The following SUGCT variants were observed in gnomAD, a reference collection of about 807,000 sequenced individuals.
SUGCT encodes the protein succinyl-CoA:glutarate-CoA transferase, also known as succinyl-CoA:glutarate CoA-transferase.
Under a neutral mutation model 55.0 loss-of-function variants are expected in SUGCT, and 41 were observed. The ratio of observed to expected loss-of-function variants is 0.74; its 90% CI spans 0.58 to 0.97. The LOEUF (loss-of-function observed/expected upper bound fraction) is 0.97, where lower values mean the gene tolerates loss of function less well. SUGCT is among the 50% of genes least tolerant of loss of function. SUGCT has a pLI of 0.00. For missense variants in SUGCT, 568 were observed against 547.8 expected (o/e 1.04, Z -0.37); for synonymous variants, 187 against 200.4 (o/e 0.93, Z 0.56).
intron 6 of SUGCT, among the ~76,000 whole-genome samples, chr7:40,212,259 T>TAA (rs533514969): frequency 6.4e-5 from 9 of 140,280 alleles, no homozygotes; most frequent in Non-Finnish European, 1.2e-4. Context: ...ACCCCATATC[T>TAA]AAAAAAAAAA....
rs151261363 is a variant in SUGCT at position 40,708,660 on chromosome 7, C to T, written c.1090-40774C>T. Among the ~76,000 whole-genome samples the T allele has an allele frequency of 5.4e-3, 824 of 152,278 alleles. 2 individuals carry two copies. Among genetic ancestry groups the T allele is most frequent in the Middle Eastern group, 0.017 (5 of 294 alleles). ...TCCTGCCACTGACTCCCTTGCTGAG[C>T]AAACCCCTGCCTCAGGTCTTTATAC... On this transcript the variant is annotated intron_variant, in intron 12 of 13. Transcript: ENST00000335693.
At chr7:40,392,490 G>T (rs962889437) in intron 9 of SUGCT, among the ~76,000 whole-genome samples, 4 of 152,020 alleles carry the variant, frequency 2.6e-5, no homozygotes, top group Non-Finnish European at 4.4e-5. Context: ...CAGGTAGAGG[G>T]TTCGGAAAGC....
the SUGCT span, among the ~76,000 whole-genome samples, chr7:40,904,077 T>G: frequency 6.6e-6 from 1 of 152,228 alleles, no homozygotes; most frequent in African/African-American, 2.4e-5. Flanking sequence ...TCGCCAGCAA[T>G]CATTACGACT....
At chr7:40,563,065 T>C (rs1254861204) in intron 12 of SUGCT, among the ~76,000 whole-genome samples, 1 of 152,106 alleles carries the variant, frequency 6.6e-6, no homozygotes, top group Non-Finnish European at 1.5e-5. Context: ...TCCGCCCAAG[T>C]AACGGTGGAT....
chr7:40,772,553 T>TCTG (rs1789199241), intron 13 of SUGCT, among the ~76,000 whole-genome samples: 2 of 143,544 alleles, frequency 1.4e-5, no homozygotes, highest in Non-Finnish European at 3.1e-5. Context: ...TATCTATCTA[T>TCTG]CTATCTATCT....
At chr7:40,796,512 G>C (rs762933293) in intron 13 of SUGCT, among the ~76,000 whole-genome samples, 1 of 152,140 alleles carries the variant, frequency 6.6e-6, no homozygotes, top group Non-Finnish European at 1.5e-5. Flanking sequence ...TCTCTGTTAG[G>C]TACCAGGTTA....
the SUGCT span, among the ~76,000 whole-genome samples, chr7:40,907,474 C>T: frequency 3.6e-4 from 55 of 152,280 alleles, 1 homozygote; most frequent in East Asian, 2.7e-3. Context: ...TTCTGTCAGG[C>T]GCTAGCCTTG....
intron 13 of SUGCT, among the ~76,000 whole-genome samples, chr7:40,847,753 T>C (rs1299877214): frequency 6.6e-6 from 1 of 152,050 alleles, no homozygotes; most frequent in African/African-American, 2.4e-5. Flanking sequence ...GCTCACACAG[T>C]TTTACCCAAC....
intron 13 of SUGCT, among the ~76,000 whole-genome samples, chr7:40,775,044 A>G (rs1789383593): frequency 6.6e-6 from 1 of 152,216 alleles, no homozygotes. Context: ...TTACCATGCT[A>G]TGGAATTTCA....
chr7:40,194,346 C>T (rs917572131), intron 5 of SUGCT, among the ~76,000 whole-genome samples: 1 of 152,136 alleles, frequency 6.6e-6, no homozygotes, highest in Non-Finnish European at 1.5e-5. Context: ...ATTGCAGCCT[C>T]AATTTACCGG....
intron 13 of SUGCT, among the ~76,000 whole-genome samples, chr7:40,847,407 C>CTTTTTTTTTTTTTTTTTTTTTTT (rs1338885686): frequency 4.2e-5 from 5 of 117,884 alleles, no homozygotes; most frequent in African/African-American, 1.2e-4. Context: ...TCTTTTCTTT[C>CTTTTTTTTTTTTTTTTTTTTTTT]TTTCTTTTTT....
chr7:40,244,772 AT>A, intron 7 of SUGCT, among the ~76,000 whole-genome samples: 1 of 152,278 alleles, frequency 6.6e-6, no homozygotes, highest in Admixed American at 6.5e-5. Context: ...ATAATACTAA[AT>A]CCATAAGATA....
At chr7:40,734,319 C>T (rs534193540) in intron 12 of SUGCT, among the ~76,000 whole-genome samples, 6 of 152,280 alleles carry the variant, frequency 3.9e-5, no homozygotes, top group African/African-American at 1.4e-4. Flanking sequence ...AGTGGAAAGT[C>T]GTACTGAACA....
the SUGCT span, among the ~76,000 whole-genome samples, chr7:40,866,579 C>T: frequency 6.6e-6 from 1 of 151,464 alleles, no homozygotes; most frequent in African/African-American, 2.4e-5. Context: ...AGCAACTCCA[C>T]AAGTGCAGTG....
chr7:40,758,052 A>T (rs1389629172), intron 13 of SUGCT, among the ~76,000 whole-genome samples: 1 of 152,202 alleles, frequency 6.6e-6, no homozygotes, highest in Non-Finnish European at 1.5e-5. Context: ...ACCAGTTTGG[A>T]CTTCAGTATC....
At chr7:40,273,433 T>A (rs1792244165) in intron 7 of SUGCT, among the ~76,000 whole-genome samples, 1 of 152,152 alleles carries the variant, frequency 6.6e-6, no homozygotes, top group African/African-American at 2.4e-5. Context: ...AAATGTGAGT[T>A]TTTTTAGGTA....
intron 12 of SUGCT, among the ~76,000 whole-genome samples, chr7:40,543,056 A>G (rs1316236743): frequency 6.6e-6 from 1 of 152,344 alleles, no homozygotes; most frequent in South Asian, 2.1e-4. Context: ...ATAGAAGCCC[A>G]CCAGTGAACA....
In SUGCT at chr7:40,645,654, G is replaced by A. The variant is rs369106974; in HGVS notation, c.1090-103780G>A. 1.3e-5 allele frequency among the ~76,000 whole-genome samples: 2 copies of A among 152,130 alleles called. 1 individual carries two copies. Among genetic ancestry groups the A allele is most frequent in the East Asian group, 3.9e-4 (2 of 5,184 alleles). On this transcript the variant is annotated intron_variant, in intron 12 of 13. Coordinates refer to ENST00000335693, the MANE Select transcript of SUGCT (RefSeq NM_001193313.2). Reference sequence around the variant, plus strand: ...GTCCAGTATAGACTGGATTCAGATTGGAGGAGGCAGACCTTTGGTATAGAA... The same window carrying A: ...GTCCAGTATAGACTGGATTCAGATTAGAGGAGGCAGACCTTTGGTATAGAA...
chr7:40,245,423 A>ATTTTTTTTTT (rs1168316176), intron 7 of SUGCT, among the ~76,000 whole-genome samples: 2 of 54,592 alleles, frequency 3.7e-5, no homozygotes, highest in African/African-American at 1.8e-4. Flanking sequence ...ATATATATAT[A>ATTTTTTTTTT]TTTTTTTTTT....
Sources: allele counts gnomAD v4.1 joint callset (sites outside exome capture counted in the v4.1 genomes callset), GRCh38; gene constraint gnomAD v4.1.1; transcripts MANE v1.5; gene names NCBI Gene and HGNC (gene_info 2026-07-23, HGNC 2026-07-21).